Variants in KLHL29 observed in about 807,000 individuals in gnomAD.
KLHL29 encodes kelch-like protein 29.
Under a neutral mutation model 80.4 loss-of-function variants are expected in KLHL29, and 21 were observed. The observed-to-expected ratio is 0.26, with a 90% CI of 0.19 to 0.38. KLHL29 has a LOEUF of 0.38. KLHL29 is among the 10% of genes least tolerant of loss of function. KLHL29 has a pLI of 1.00. For synonymous variants in KLHL29, 511 were observed against 526.8 expected, an observed-to-expected ratio of 0.97 and a Z score of 0.41; for missense variants, 867 against 1,223.9, an observed-to-expected ratio of 0.71 and a Z score of 4.35.
In KLHL29 at chr2:23,703,647, C is replaced by G. The variant is rs1572538256; in HGVS notation, c.2300-72C>G. ...TTTCGAGCTTCCTTCCCTGGAGGGT[C>G]TTCTGGGAAAGAAAAGGAGAGGGAA... On this transcript the variant is annotated intron_variant, in intron 12 of 13. Coordinates refer to ENST00000486442, the MANE Select transcript of KLHL29 (RefSeq NM_052920.2). 4 of 1,460,872 alleles carry G rather than the reference C, an allele frequency of 2.7e-6. No individual in the cohort carries two copies. The East Asian group carries it at 1.0e-4, about 36-fold the overall frequency. 90.5% of individuals were successfully genotyped at this position (1,460,872 alleles called of 1,614,324 possible). A position where few individuals can be genotyped will look rare whatever the true frequency, so the allele number is the denominator to read the frequency against.
rs114189764 is a variant in KLHL29, at chr2:23,625,657, G to A, written c.286-13482G>A. On this transcript the variant is annotated intron_variant, in intron 3 of 13. Coordinates refer to ENST00000486442, the MANE Select transcript of KLHL29 (RefSeq NM_052920.2). Reference sequence around the variant, plus strand: ...ACAACAGGCGGATCGATCTCCACTCGGTTCACTCAGTGTTTCTGAACGCCC... The same window carrying A: ...ACAACAGGCGGATCGATCTCCACTCAGTTCACTCAGTGTTTCTGAACGCCC... Among the ~76,000 whole-genome samples the A allele has an allele frequency of 5.1e-3, 777 of 152,302 alleles. 5 individuals carry two copies. Among genetic ancestry groups the A allele is most frequent in the African/African-American group, 0.017 (711 of 41,552 alleles).
Position 23,695,492 on chromosome 2 carries a change from A to G in KLHL29, c.1543-131A>G. 2 of 678,822 alleles carry G rather than the reference A, an allele frequency of 2.9e-6. No individual in the cohort carries two copies. Among genetic ancestry groups the G allele is most frequent in the Admixed American group, 3.0e-5 (1 of 33,778 alleles). 42.0% of individuals were successfully genotyped at this position (678,822 alleles called of 1,614,324 possible). A position where few individuals can be genotyped will look rare whatever the true frequency, so the allele number is the denominator to read the frequency against. On this transcript the variant is annotated intron_variant, in intron 8 of 13. Transcript: ENST00000486442. The surrounding 1 kb of genome is among the most constrained non-coding windows in gnomAD (Gnocchi z 7.6). ...CCTTCACCTCTGTCTAGGCTAGCAG[A>G]GTATCTACACTCCCAAGCCTAACAC...
At chr2:23,610,626 C>T (rs1292244685) in intron 3 of KLHL29, among the ~76,000 whole-genome samples, 2 of 152,198 alleles carry the variant, frequency 1.3e-5, no homozygotes. Flanking sequence ...TGCCTCTTGC[C>T]ATCACTCCAG....
chr2:23,634,533 C>T (rs1005237414), intron 3 of KLHL29, among the ~76,000 whole-genome samples: 1 of 152,176 alleles, frequency 6.6e-6, no homozygotes, highest in Admixed American at 6.5e-5. Context: ...CTTGGGCAAA[C>T]AGTGGAGGGT....
At chr2:23,512,964 A>T (rs1377806103) in intron 2 of KLHL29, among the ~76,000 whole-genome samples, 1 of 152,244 alleles carries the variant, frequency 6.6e-6, no homozygotes, top group Non-Finnish European at 1.5e-5. Flanking sequence ...CCCTGGGGGC[A>T]CACAGGCCGT....
chr2:23,575,316 C>G (rs2103505268), intron 3 of KLHL29, among the ~76,000 whole-genome samples: 1 of 152,290 alleles, frequency 6.6e-6, no homozygotes, highest in East Asian at 1.9e-4. Context: ...AGCATCAAGC[C>G]CACCAGAGCC....
chr2:23,650,743 A>G (rs959706869), intron 5 of KLHL29, among the ~76,000 whole-genome samples: 1 of 152,194 alleles, frequency 6.6e-6, no homozygotes, highest in African/African-American at 2.4e-5. Context: ...ACAGGGGTTT[A>G]ATGTCGAGTT....
rs777068586 is a variant in KLHL29, at chr2:23,639,221, C to A, written c.368C>A (p.Ser123Tyr). 1 of 1,548,834 alleles carries A rather than the reference C, an allele frequency of 6.5e-7. No individual in the cohort carries two copies. Among genetic ancestry groups the A allele is most frequent in the South Asian group, 1.2e-5 (1 of 83,356 alleles). ...IRWGQTPINQ[S>Y]TPWDTDEPPS... is the part of the protein sequence containing the mutation. ...TGGGGGCAGACGCCTATCAATCAGT[C>A]CACACCCTGGGACACTGATGAGCCA... Residue 123 changes from serine to tyrosine, a missense_variant, in exon 4 of 14, where the codon TCC becomes TAC. By Grantham distance (144) the Ser-to-Tyr change is moderately radical. This residue lies in a region of KLHL29 where 424 missense variants were observed against 456.9 expected (regional missense o/e 0.93). Transcript: ENST00000486442.
chr2:23,561,290 T>C (rs999702042), intron 2 of KLHL29, among the ~76,000 whole-genome samples: 12 of 152,182 alleles, frequency 7.9e-5, no homozygotes, highest in Non-Finnish European at 1.8e-4. Flanking sequence ...GTCATGGTAA[T>C]ACTGAGCAAA....
intron 1 of KLHL29, among the ~76,000 whole-genome samples, chr2:23,435,101 G>A (rs1663300934): frequency 6.6e-6 from 1 of 152,232 alleles, no homozygotes; most frequent in South Asian, 2.1e-4. Flanking sequence ...GGGTGAGGAG[G>A]ATGTGAATTC....
chr2:23,668,458 G>T (rs1670614992), intron 5 of KLHL29: 1 of 152,286 alleles, frequency 6.6e-6, no homozygotes, highest in Non-Finnish European at 1.5e-5. Context: ...TGTCGAACAG[G>T]TGCACCACAT....
At chr2:23,392,993 T>G (rs900616681) in intron 1 of KLHL29, among the ~76,000 whole-genome samples, 1 of 152,180 alleles carries the variant, frequency 6.6e-6, no homozygotes, top group African/African-American at 2.4e-5. Flanking sequence ...AGAAAAACTT[T>G]TAGGTGTTTG....
intron 2 of KLHL29, among the ~76,000 whole-genome samples, chr2:23,528,467 G>A (rs140472206): frequency 1.8e-4 from 27 of 152,300 alleles, no homozygotes; most frequent in African/African-American, 6.5e-4. Context: ...GACTGGAGAT[G>A]TCACCTGTGG....
intron 2 of KLHL29, among the ~76,000 whole-genome samples, chr2:23,507,592 T>C (rs769231291): frequency 5.9e-5 from 9 of 152,180 alleles, no homozygotes; most frequent in Non-Finnish European, 8.8e-5. Flanking sequence ...GAAATCTAAA[T>C]GTTTAACGTC....
chr2:23,568,472 T>C (rs568765984), intron 3 of KLHL29, among the ~76,000 whole-genome samples: 9 of 152,340 alleles, frequency 5.9e-5, no homozygotes, highest in African/African-American at 2.2e-4. Flanking sequence ...GTTGGCCAAC[T>C]GTTGGCCAAG....
intron 3 of KLHL29, among the ~76,000 whole-genome samples, chr2:23,566,633 A>G (rs1426798594): frequency 6.6e-6 from 1 of 152,260 alleles, no homozygotes; most frequent in Non-Finnish European, 1.5e-5. Context: ...ACCACTGCTA[A>G]GAGCTTCAAG....
chr2:23,642,155 C>T (rs919800172), intron 4 of KLHL29, among the ~76,000 whole-genome samples, 183 bp from the exon 5 acceptor site: 2 of 152,138 alleles, frequency 1.3e-5, no homozygotes, highest in Non-Finnish European at 2.9e-5. Context: ...GCTGTTTGTT[C>T]GTAGACCCCC....
chr2:23,616,008 C>T (rs1668994447), intron 3 of KLHL29, among the ~76,000 whole-genome samples: 1 of 152,180 alleles, frequency 6.6e-6, no homozygotes, highest in Non-Finnish European at 1.5e-5. Context: ...ATCCCTCCTC[C>T]TAAGGGACCC....
At chr2:23,602,708 C>T (rs976702804) in intron 3 of KLHL29, among the ~76,000 whole-genome samples, 3 of 151,692 alleles carry the variant, frequency 2.0e-5, no homozygotes, top group African/African-American at 7.3e-5. Flanking sequence ...CCCATCTCAG[C>T]CTCCAAAAGT....
Sources: allele counts gnomAD v4.1 joint callset (sites outside exome capture counted in the v4.1 genomes callset), GRCh38; gene constraint gnomAD v4.1.1; regional missense constraint gnomAD v4.1.1; non-coding constraint Gnocchi (gnomAD v3.1); transcripts MANE v1.5; gene names NCBI Gene and HGNC (gene_info 2026-07-23, HGNC 2026-07-21).